Variants in SLX4 observed in about 807,000 individuals in gnomAD.
The protein encoded by SLX4 is structure-specific endonuclease subunit SLX4.
A neutral mutation model predicts 146.2 loss-of-function variants in SLX4; 112 were observed. That is an observed-to-expected ratio of 0.77 (90% CI 0.66 to 0.90). SLX4 has a LOEUF of 0.90. SLX4 is among the 40% of genes least tolerant of loss of function. The probability of loss-of-function intolerance (pLI) is 0.00; values close to 1 mark genes in which losing one functional copy is unlikely to be tolerated. For synonymous variants in SLX4, 1,061 were observed against 997.7 expected, an observed-to-expected ratio of 1.06 and a Z score of -1.20; for missense variants, 2,563 against 2,392.7, an observed-to-expected ratio of 1.07 and a Z score of -1.49.
chr16:3,588,165 CTCTA>C (rs1176160005), intron 12 of SLX4, among the ~76,000 whole-genome samples: 6 of 152,174 alleles, frequency 3.9e-5, no homozygotes, highest in African/African-American at 9.7e-5. Context: ...CAACCATCAC[CTCTA>C]TCTATTTGCA....
intron 3 of SLX4, among the ~76,000 whole-genome samples, chr16:3,603,030 C>G (rs925399255): frequency 1.3e-5 from 2 of 152,130 alleles, no homozygotes; most frequent in African/African-American, 2.4e-5. Context: ...AAACAGCACA[C>G]CTTCATTTTG....
At chr16:3,601,609 AAC>A (rs931673997) in intron 4 of SLX4, 5 of 325,454 alleles carry the variant, frequency 1.5e-5, no homozygotes, top group East Asian at 8.1e-5. Flanking sequence ...GAATGGGAAA[AAC>A]ACAGTCTAGC....
chr16:3,603,793 G>A lies in SLX4; in HGVS notation c.761-1486C>T, dbSNP rs58638942. Among the ~76,000 whole-genome samples, 1,371 of 152,342 alleles carry A rather than the reference G, an allele frequency of 9.0e-3. 26 individuals are homozygous for A. The highest frequency in any genetic ancestry group is 0.031 in the African/African-American group (1,307 of 41,566). Reference sequence around the variant, plus strand: ...AGCTATGGGGCACTGTCGCCACCCTGTCTCACCTGCAGCCAATGAGCCTCT... The same window carrying A: ...AGCTATGGGGCACTGTCGCCACCCTATCTCACCTGCAGCCAATGAGCCTCT... On this transcript the variant is annotated intron_variant, in intron 3 of 14. Coordinates refer to ENST00000294008, the MANE Select transcript of SLX4 (RefSeq NM_032444.4).
In SLX4 at chr16:3,594,475, C is replaced by T. The variant is rs1226956482; in HGVS notation, c.2138G>A (p.Arg713Gln). The change falls in exon 10 of 15, where the codon CGA becomes CAA. Residue 713 changes from arginine (R) to glutamine (Q), a missense_variant. Arg to Gln is a conservative substitution (Grantham distance 43). Coordinates refer to ENST00000294008, the MANE Select transcript of SLX4 (RefSeq NM_032444.4). ...TACATACTGGATGAGGAGCGGGCATCGGGCATAAAGCACGAACTTGTGGGC... is the reference window on the plus strand; with the variant it reads ...TACATACTGGATGAGGAGCGGGCATTGGGCATAAAGCACGAACTTGTGGGC... ...LYAHKFVLYA[R>Q]CPLLIQYVNN... 1.8e-5 allele frequency: 29 copies of T among 1,613,550 alleles called. No homozygotes were observed. The highest frequency in any genetic ancestry group is 2.3e-5 in the Non-Finnish European group (27 of 1,179,846).
Position 3,608,755 on chromosome 16 carries a change from C to A in SLX4, c.210G>T (p.Val70=), listed in dbSNP as rs2040815031. Residue 70 remains valine, a synonymous_variant, in exon 2 of 15, where the codon GTG becomes GTT. Transcript: ENST00000294008. The part of the protein sequence containing the change: ...QRVKKHGIKE[V]SGERKTQKAA... ...CCTTTTGTGTCTTCCTTTCTCCTGA[C>A]ACTTCCTTGATTCCATGTTTTTTCA... 5 of 1,614,200 alleles carry A rather than the reference C, an allele frequency of 3.1e-6. 1 individual carries two copies. In the Middle Eastern group the frequency reaches 8.2e-4, roughly 266 times the overall value.
chr16:3,589,191 T>C lies in SLX4; in HGVS notation c.4447A>G (p.Thr1483Ala). Residue 1483 changes from threonine (T) to alanine (A), a missense_variant, in exon 12 of 15, where the codon ACT (threonine) becomes GCT (alanine). Transcript: ENST00000294008. The surrounding 1 kb of genome is among the most constrained non-coding windows in gnomAD (Gnocchi z 6.2). ...TTCTCTTGCAATTTCCTCTGGGTAG[T>C]GCAGCTTCCTCGGATGGGGGTGGTG... Reference protein sequence around the residue: ...LDTTPIRGSCTTQRKLQEKSS... With the variant: ...LDTTPIRGSCATQRKLQEKSS... 6.2e-7 allele frequency: 1 copy of C among 1,614,082 alleles called. No individual in the cohort carries two copies. The highest frequency in any genetic ancestry group is 1.1e-5 in the South Asian group (1 of 91,084).
At chr16:3,605,359 C>G (rs61188361) in intron 3 of SLX4, among the ~76,000 whole-genome samples, 10,281 of 151,786 alleles carry the variant, frequency 0.068, 364 homozygotes, top group Admixed American at 0.075. Context: ...AAAGTGCTGG[C>G]ATTACAGGCG....
At position 3,608,440 on chromosome 16, in the gene SLX4, C is replaced by G. The variant is rs1228314190; in HGVS notation, c.525G>C (p.Glu175Asp). ...AAGAGTACAAATTACCTCTGGTTTT[C>G]TCTCTGGAAAGGTTTGGCGATGGTT... ...QQEPSPNLSR[E>D]KTRENVPNSD... Residue 175 changes from glutamate to aspartate, a missense_variant, in exon 2 of 15, where the codon GAG becomes GAC. Transcript: ENST00000294008. The G allele has an allele frequency of 1.2e-6, 2 of 1,614,174 alleles. No homozygotes were observed. Among genetic ancestry groups the G allele is most frequent in the South Asian group, 1.1e-5 (1 of 91,080 alleles).
chr16:3,595,747 A>T (rs2040645126), intron 8 of SLX4, 54 bp from the exon 9 acceptor site: 1 of 1,594,170 alleles, frequency 6.3e-7, no homozygotes, highest in African/African-American at 1.3e-5. Context: ...CACATCCACC[A>T]CCAAGAAGAC....
intron 13 of SLX4, among the ~76,000 whole-genome samples, chr16:3,583,879 G>A (rs1199910311): frequency 2.0e-5 from 3 of 152,108 alleles, no homozygotes; most frequent in Non-Finnish European, 4.4e-5. Flanking sequence ...GGTGTCACCT[G>A]TAGTCCCAGC....
chr16:3,601,947 T>C (rs2040731621), intron 4 of SLX4, 171 bp downstream of exon 4: 1 of 720,524 alleles, frequency 1.4e-6, no homozygotes, highest in African/African-American at 1.8e-5. Flanking sequence ...GGGTGAACTA[T>C]ATGTTCTGTG....
At chr16:3,599,316 C>T (rs1442336760) in intron 5 of SLX4, among the ~76,000 whole-genome samples, 1 of 152,220 alleles carries the variant, frequency 6.6e-6, no homozygotes, top group Non-Finnish European at 1.5e-5. Context: ...TTGGCCTTCC[C>T]TTTGCTCCTG....
At chr16:3,605,462 G>T (rs1321521803) in intron 3 of SLX4, among the ~76,000 whole-genome samples, 1 of 151,980 alleles carries the variant, frequency 6.6e-6, no homozygotes, top group Non-Finnish European at 1.5e-5. Flanking sequence ...ACCTCAAGTA[G>T]TCCTCCTGCC....
At position 3,583,407 on chromosome 16, in the gene SLX4, G is replaced by C. The variant is rs776003980; in HGVS notation, c.4843C>G (p.Gln1615Glu). 6.2e-7 allele frequency: 1 copy of C among 1,613,640 alleles called. No homozygotes were observed. Among genetic ancestry groups the C allele is most frequent in the East Asian group, 2.2e-5 (1 of 44,864 alleles). The change falls in exon 14 of 15, where the codon CAG (glutamine) becomes GAG (glutamate). Residue 1615 changes from glutamine to glutamate, a missense_variant. By Grantham distance (29) the Gln-to-Glu change is conservative. Transcript: ENST00000294008. ...TLDSDSEDES[Q>E]SSQPLLQAPH... Reference sequence around the variant, plus strand: ...GCCTGCAACAGCGGCTGTGAGGACTGGCTCTCGTCCTCGGAGTCTGAGTCC... The same window carrying C: ...GCCTGCAACAGCGGCTGTGAGGACTCGCTCTCGTCCTCGGAGTCTGAGTCC...
rs144666372 is a variant in SLX4 at position 3,589,066 on chromosome 16, G to A, written c.4572C>T (p.Thr1524=). 1.2e-5 allele frequency: 20 copies of A among 1,614,038 alleles called. No homozygotes were observed. The African/African-American group carries it at 2.3e-4, about 18-fold the overall frequency. Residue 1524 remains threonine (T), a synonymous_variant, in exon 12 of 15, where the codon ACC becomes ACT. Transcript: ENST00000294008. The surrounding 1 kb of genome is among the most constrained non-coding windows in gnomAD (Gnocchi z 6.2). The stretch of plus-strand genomic sequence containing the variant: ...CGCTTGGCATCTGGGCCGGAGGAGG[G>A]GTCTCTGGAGGCCTCTGCTCTTCCC... ...WDGEEQRPPE[T]PPPAQMPSAG...
Position 3,609,210 on chromosome 16 carries a change from C to T in SLX4, c.-246G>A. 2.2e-6 allele frequency: 1 copy of T among 448,704 alleles called. No individual in the cohort carries two copies. Among genetic ancestry groups the T allele is most frequent in the Non-Finnish European group, 4.1e-6 (1 of 242,754 alleles). 27.8% of individuals were successfully genotyped at this position (448,704 alleles called of 1,614,324 possible). Reference sequence around the variant, plus strand: ...TCACCTGAGGTCAGAAGTTCGAGACCAGCCTGGCCAATATGGTGAAACCTC... The same window carrying T: ...TCACCTGAGGTCAGAAGTTCGAGACTAGCCTGGCCAATATGGTGAAACCTC... On this transcript the variant is annotated 5_prime_UTR_variant, in exon 2 of 15. Coordinates refer to ENST00000294008, the MANE Select transcript of SLX4 (RefSeq NM_032444.4).
chr16:3,602,250 T>C lies in SLX4; in HGVS notation c.818A>G (p.Gln273Arg). The change falls in exon 4 of 15, where the codon CAG becomes CGG. Residue 273 changes from glutamine (Q) to arginine (R), a missense_variant. By Grantham distance (43) the Gln-to-Arg change is conservative (BLOSUM62 1). Transcript: ENST00000294008. ...TGCTCCTACCCGTGCAAACTCCTGC[T>C]GCAGGGTCAAGGCCACCGCAGCGTC... Reference protein sequence around the residue: ...ESDAAVALTLQQEFARVGASA... With the variant: ...ESDAAVALTLRQEFARVGASA... The C allele has an allele frequency of 1.2e-6, 2 of 1,614,170 alleles. No homozygotes were observed. The highest frequency in any genetic ancestry group is 1.6e-4 in the Middle Eastern group (1 of 6,062).
At position 3,591,103 on chromosome 16, in the gene SLX4, G is replaced by A. The variant is rs1174692641; in HGVS notation, c.2535C>T (p.Asn845=). ...KSKDHEEDQE[N]VNEAEMEEIY... Reference sequence around the variant, plus strand: ...TTTCTTCCATTTCTGCTTCATTCACGTTTTCTTGATCTTCTTCGTGGTCCT... The same window carrying A: ...TTTCTTCCATTTCTGCTTCATTCACATTTTCTTGATCTTCTTCGTGGTCCT... Residue 845 remains asparagine (N), a synonymous_variant, in exon 12 of 15, where the codon AAC becomes AAT. Transcript: ENST00000294008. The A allele has an allele frequency of 4.3e-6, 7 of 1,614,130 alleles. No individual in the cohort carries two copies. Among genetic ancestry groups the A allele is most frequent in the African/African-American group, 1.3e-5 (1 of 75,034 alleles).
chr16:3,590,549 G>T lies in SLX4; in HGVS notation c.3089C>A (p.Pro1030Gln). Residue 1030 changes from proline (P) to glutamine (Q), a missense_variant, in exon 12 of 15, where the codon CCG becomes CAG. Physicochemically the swap from Pro to Gln is moderately conservative, Grantham distance 76. Coordinates refer to ENST00000294008, the MANE Select transcript of SLX4 (RefSeq NM_032444.4). This position sits in a 1 kb window ranked among gnomAD's most constrained non-coding sequence, Gnocchi z 4.8. ...CCCCAATAGGAAGCGGCACGGGTGCGGTGGAGATGCCTGCCAGGGAGCCAG... is the reference window on the plus strand; with the variant it reads ...CCCCAATAGGAAGCGGCACGGGTGCTGTGGAGATGCCTGCCAGGGAGCCAG... Reference protein sequence around the residue: ...HRLAPWQASPPHPCRFLLGPP... With the variant: ...HRLAPWQASPQHPCRFLLGPP... 6.2e-7 allele frequency: 1 copy of T among 1,612,568 alleles called. No individual in the cohort carries two copies. The highest frequency in any genetic ancestry group is 8.5e-7 in the Non-Finnish European group (1 of 1,178,690).
Sources: gnomAD v4.1 joint callset for allele counts (sites outside exome capture counted in the v4.1 genomes callset) on GRCh38, gnomAD v4.1.1 for gene constraint, Gnocchi (gnomAD v3.1) non-coding constraint, MANE v1.5 for transcripts, NCBI Gene and HGNC (gene_info 2026-07-23, HGNC 2026-07-21) for gene names.